GATB: variants seen among roughly 807,000 people sequenced by gnomAD.
GATB encodes glutamyl-tRNA amidotransferase subunit B.
GATB carries 39 observed loss-of-function variants against 62.3 expected under a neutral mutation model. The ratio of observed to expected loss-of-function variants is 0.63; its 90% CI spans 0.48 to 0.82. The LOEUF (loss-of-function observed/expected upper bound fraction) is 0.82. Among genes scored for constraint, GATB ranks in the 40% least tolerant of loss-of-function variants. The probability of loss-of-function intolerance (pLI) is 0.00; values close to 1 mark genes in which losing one functional copy is unlikely to be tolerated. For missense variants in GATB, 670 were observed against 684.0 expected, an observed-to-expected ratio of 0.98 and a Z score of 0.23; for synonymous variants, 276 against 258.9, an observed-to-expected ratio of 1.07 and a Z score of -0.63.
intron 9 of GATB, among the ~76,000 whole-genome samples, chr4:151,698,880 C>CT (rs932874314): frequency 2.6e-4 from 39 of 147,258 alleles, no homozygotes; most frequent in Non-Finnish European, 3.0e-4. Flanking sequence ...ATTCACCCTT[C>CT]TTTTTTTTTT....
intron 11 of GATB, chr4:151,673,573 A>G (rs73862085): frequency 0.11 from 16,786 of 152,240 alleles, 968 homozygotes; most frequent in African/African-American, 0.13. Context: ...CTACAGGTAG[A>G]GCCGGACCCA....
intron 6 of GATB, among the ~76,000 whole-genome samples, chr4:151,707,171 T>G (rs969030185): frequency 5.3e-5 from 8 of 152,246 alleles, no homozygotes; most frequent in Non-Finnish European, 1.2e-4. Context: ...CATGACCTAG[T>G]AAATCTCAAG....
At chr4:151,710,954 A>G (rs1253332591) in intron 5 of GATB, among the ~76,000 whole-genome samples, 1 of 152,142 alleles carries the variant, frequency 6.6e-6, no homozygotes. Context: ...TCAATTTCCA[A>G]AAGGAAATCC....
intron 2 of GATB, among the ~76,000 whole-genome samples, chr4:151,732,651 CT>C (rs916022742): frequency 9.2e-4 from 139 of 151,242 alleles, no homozygotes; most frequent in African/African-American, 3.0e-3. Flanking sequence ...CTGACCTTCC[CT>C]CCACTATTGT....
chr4:151,727,157 G>A (rs1406560485), intron 2 of GATB, among the ~76,000 whole-genome samples: 1 of 152,208 alleles, frequency 6.6e-6, no homozygotes, highest in East Asian at 1.9e-4. Flanking sequence ...CTGGGCTCAA[G>A]CGGTGTGCCC....
Position 151,671,115 on chromosome 4 carries a change from G to A in GATB, c.*59C>T. On this transcript the variant is annotated 3_prime_UTR_variant, in exon 13 of 13. Coordinates refer to ENST00000263985, the MANE Select transcript of GATB (RefSeq NM_004564.3). ...TGGGCATCAGCTTTCACAGGATCCT[G>A]TTCCCAGTCAGGCTGCACTGTTTGT... 1 of 1,600,594 alleles carries A rather than the reference G, an allele frequency of 6.2e-7. No individual in the cohort carries two copies. Among genetic ancestry groups the A allele is most frequent in the Non-Finnish European group, 8.5e-7 (1 of 1,169,650 alleles).
At chr4:151,745,732 C>T (rs1179588794) in intron 2 of GATB, among the ~76,000 whole-genome samples, 3 of 152,208 alleles carry the variant, frequency 2.0e-5, no homozygotes, top group Non-Finnish European at 4.4e-5. Flanking sequence ...ATAGTATGCA[C>T]TCTTGTGAAT....
intron 2 of GATB, among the ~76,000 whole-genome samples, chr4:151,738,795 T>A (rs1221836782): frequency 1.3e-5 from 2 of 152,330 alleles, no homozygotes; most frequent in South Asian, 4.1e-4. Flanking sequence ...TTCCCCGCTA[T>A]GTTTTGTCGG....
chr4:151,729,997 C>A (rs1366752701), intron 2 of GATB, among the ~76,000 whole-genome samples: 1 of 152,092 alleles, frequency 6.6e-6, no homozygotes, highest in Non-Finnish European at 1.5e-5. Flanking sequence ...CCTACAGGAC[C>A]CGGGAGACAC....
At chr4:151,724,781 A>T (rs1019895614) in intron 2 of GATB, among the ~76,000 whole-genome samples, 1 of 152,118 alleles carries the variant, frequency 6.6e-6, no homozygotes, top group Non-Finnish European at 1.5e-5. Context: ...CTTGGGGAAC[A>T]CACTGTTTCC....
At chr4:151,749,928 C>G (rs1739680064) in intron 2 of GATB, among the ~76,000 whole-genome samples, 1 of 152,016 alleles carries the variant, frequency 6.6e-6, no homozygotes, top group Non-Finnish European at 1.5e-5. Flanking sequence ...TCATGCCAGG[C>G]TGGAGTGCAG....
intron 2 of GATB, among the ~76,000 whole-genome samples, chr4:151,747,070 T>C (rs1267916004): frequency 6.6e-6 from 1 of 152,138 alleles, no homozygotes; most frequent in Non-Finnish European, 1.5e-5. Context: ...AGGGTTGTTA[T>C]GAGGTTAGAA....
intron 10 of GATB, 130 bp downstream of exon 10, chr4:151,688,500 G>A (rs1560844121): frequency 4.9e-6 from 4 of 815,444 alleles, no homozygotes; most frequent in Non-Finnish European, 7.9e-6. Flanking sequence ...GAGTCCACAG[G>A]GGATGTTTGT....
intron 2 of GATB, chr4:151,722,256 T>C: frequency 1.4e-6 from 1 of 701,560 alleles, no homozygotes; most frequent in Non-Finnish European, 2.6e-6. Context: ...AGCACTAAAC[T>C]TTAGGGGTAC....
chr4:151,757,847 C>G (rs369986691), intron 2 of GATB, among the ~76,000 whole-genome samples: 16 of 152,254 alleles, frequency 1.1e-4, no homozygotes, highest in Middle Eastern at 3.4e-3. Context: ...CTGCCTCTCC[C>G]CACCTTTGTC....
At chr4:151,708,596 G>A (rs998238085) in intron 5 of GATB, among the ~76,000 whole-genome samples, 1 of 152,174 alleles carries the variant, frequency 6.6e-6, no homozygotes, top group African/African-American at 2.4e-5. Context: ...GAGAGTCCTT[G>A]AGAATTTGCA....
intron 5 of GATB, among the ~76,000 whole-genome samples, chr4:151,709,040 T>C (rs1478613340): frequency 6.6e-6 from 1 of 152,234 alleles, no homozygotes; most frequent in African/African-American, 2.4e-5. Flanking sequence ...GAAGACAAAA[T>C]GCTGGATTTT....
chr4:151,747,626 T>C (rs1284230990), intron 2 of GATB, among the ~76,000 whole-genome samples: 2 of 152,190 alleles, frequency 1.3e-5, no homozygotes, highest in African/African-American at 4.8e-5. Flanking sequence ...TAAAAACAAA[T>C]TCACATATGG....
At chr4:151,751,415 A>G (rs1170311416) in intron 2 of GATB, among the ~76,000 whole-genome samples, 2 of 152,228 alleles carry the variant, frequency 1.3e-5, no homozygotes, top group Non-Finnish European at 2.9e-5. Flanking sequence ...AAACACAAAT[A>G]CAATCCCACA....
Sources: gnomAD v4.1 joint callset for allele counts (sites outside exome capture counted in the v4.1 genomes callset) on GRCh38, gnomAD v4.1.1 for gene constraint, MANE v1.5 for transcripts, NCBI Gene and HGNC (gene_info 2026-07-23, HGNC 2026-07-21) for gene names.